ELP4: variants seen among roughly 807,000 people sequenced by gnomAD.
The protein encoded by ELP4 is elongator acetyltransferase complex subunit 4, also known as elongator complex protein 4.
Under a neutral mutation model 48.9 loss-of-function variants are expected in ELP4, and 51 were observed. The ratio of observed to expected loss-of-function variants is 1.04; its 90% confidence interval spans 0.83 to 1.32. ELP4 has a LOEUF of 1.32. Ranked by LOEUF, ELP4 falls within the 40% of genes most tolerant of loss-of-function variation. The probability of loss-of-function intolerance (pLI) is 0.00; values close to 1 mark genes in which losing one functional copy is unlikely to be tolerated. For synonymous variants in ELP4, 210 were observed against 189.2 expected, an observed-to-expected ratio of 1.11 and a Z score of -0.90; for missense variants, 519 against 514.6, an observed-to-expected ratio of 1.01 and a Z score of -0.08.
chr11:31,740,790 C>T (rs968344874), intron 9 of ELP4, among the ~76,000 whole-genome samples: 5 of 152,058 alleles, frequency 3.3e-5, no homozygotes, highest in East Asian at 1.9e-4. Context: ...GGAACAGCTC[C>T]GGTCTACAGC....
chr11:31,531,863 G>T (rs1196534608), intron 2 of ELP4, among the ~76,000 whole-genome samples: 4 of 152,110 alleles, frequency 2.6e-5, no homozygotes, highest in African/African-American at 9.7e-5. Context: ...CCAATTGGGA[G>T]GCTGATAGTG....
chr11:31,569,737 G>A (rs1444464339), intron 3 of ELP4, among the ~76,000 whole-genome samples: 1 of 152,032 alleles, frequency 6.6e-6, no homozygotes, highest in Admixed American at 6.6e-5. Context: ...AAAAAAGGAA[G>A]ACATACAAAT....
chr11:31,755,787 C>A (rs568465467), intron 9 of ELP4, among the ~76,000 whole-genome samples: 2 of 150,630 alleles, frequency 1.3e-5, no homozygotes, highest in African/African-American at 4.9e-5. Flanking sequence ...TAAAATAATA[C>A]CTGTAGCTTA....
At chr11:31,759,015 A>G (rs1183860087) in intron 9 of ELP4, among the ~76,000 whole-genome samples, 1 of 152,158 alleles carries the variant, frequency 6.6e-6, no homozygotes, top group Non-Finnish European at 1.5e-5. Context: ...TCTTATTGGT[A>G]GATATACGTT....
chr11:31,547,780 T>C (rs1956761590), intron 3 of ELP4, among the ~76,000 whole-genome samples: 1 of 152,162 alleles, frequency 6.6e-6, no homozygotes, highest in Non-Finnish European at 1.5e-5. Context: ...TCAAAAAGCT[T>C]ATCCACCACG....
chr11:31,736,649 A>T (rs1248774608), intron 9 of ELP4, among the ~76,000 whole-genome samples: 1 of 152,228 alleles, frequency 6.6e-6, no homozygotes, highest in Non-Finnish European at 1.5e-5. Context: ...AAACAACCTC[A>T]TCAAAAAGTG....
chr11:31,693,775 C>T (rs568205628), intron 9 of ELP4, among the ~76,000 whole-genome samples: 8 of 152,242 alleles, frequency 5.3e-5, no homozygotes, highest in Non-Finnish European at 1.2e-4. Flanking sequence ...TACAGTCCCA[C>T]CAACAGTGTA....
intron 3 of ELP4, among the ~76,000 whole-genome samples, chr11:31,562,482 G>A (rs143875281): frequency 6.6e-6 from 1 of 152,238 alleles, no homozygotes; most frequent in African/African-American, 2.4e-5. Flanking sequence ...TGAGAACACT[G>A]TCCTTATCCC....
In ELP4 at chr11:31,785,239, A is replaced by C. The variant is rs1948522433; in HGVS notation, c.*1715A>C. On this transcript the variant is annotated 3_prime_UTR_variant, in exon 10 of 10. Coordinates refer to ENST00000640961, the MANE Select transcript of ELP4 (RefSeq NM_019040.5). The stretch of plus-strand genomic sequence containing the variant: ...CATTATGAACATTCTGAATAAATTC[A>C]AATGAGTATTTTAGTCAGTTTATTA... 1 of 183,560 alleles carries C rather than the reference A, an allele frequency of 5.4e-6. No homozygotes were observed. Among genetic ancestry groups the C allele is most frequent in the Non-Finnish European group, 1.2e-5 (1 of 86,354 alleles). 11.4% of individuals were successfully genotyped at this position (183,560 alleles called of 1,614,324 possible). A position where few individuals can be genotyped will look rare whatever the true frequency, so the allele number is the denominator to read the frequency against.
intron 9 of ELP4, chr11:31,727,969 A>G (rs1478131769): frequency 1.3e-5 from 2 of 152,172 alleles, no homozygotes; most frequent in African/African-American, 4.8e-5. Context: ...ATGTTTTTCA[A>G]TTTAAAGAGG....
At chr11:31,701,191 C>T (rs1946515538) in intron 9 of ELP4, among the ~76,000 whole-genome samples, 1 of 152,100 alleles carries the variant, frequency 6.6e-6, no homozygotes, top group Non-Finnish European at 1.5e-5. Context: ...GGACTTCATG[C>T]TCAAGCAGTT....
At chr11:31,731,456 A>T (rs1387564388) in intron 9 of ELP4, among the ~76,000 whole-genome samples, 1 of 152,174 alleles carries the variant, frequency 6.6e-6, no homozygotes, top group Non-Finnish European at 1.5e-5. Flanking sequence ...ATCAAGCTGA[A>T]GAAAGAACCA....
At chr11:31,654,775 T>G (rs986009830) in intron 9 of ELP4, 2 of 151,858 alleles carry the variant, frequency 1.3e-5, no homozygotes, top group Non-Finnish European at 2.9e-5. Context: ...GCCTTTCTAG[T>G]TTTTAAATGA....
chr11:31,510,519 G>A (rs1375170134), intron 1 of ELP4: 2 of 405,996 alleles, frequency 4.9e-6, no homozygotes, highest in African/African-American at 2.0e-5. Context: ...TTGGCTTTAA[G>A]AGAGCGAATG....
chr11:31,567,652 A>C (rs2996464), intron 3 of ELP4, among the ~76,000 whole-genome samples: 1 of 152,086 alleles, frequency 6.6e-6, no homozygotes, highest in African/African-American at 2.4e-5. Context: ...ATATAAAGGC[A>C]TACCTTGGAG....
At chr11:31,676,510 C>G (rs1460269984) in intron 9 of ELP4, among the ~76,000 whole-genome samples, 1 of 152,190 alleles carries the variant, frequency 6.6e-6, no homozygotes, top group Non-Finnish European at 1.5e-5. Context: ...AGAACAGTAT[C>G]TTACATACGA....
chr11:31,727,839 T>A (rs1294887506), intron 9 of ELP4: 1 of 152,214 alleles, frequency 6.6e-6, no homozygotes, highest in Non-Finnish European at 1.5e-5. Flanking sequence ...TCAGCTTCTT[T>A]GTAGCACAAA....
chr11:31,696,896 G>A (rs1204640238), intron 9 of ELP4, among the ~76,000 whole-genome samples: 4 of 152,074 alleles, frequency 2.6e-5, no homozygotes, highest in Non-Finnish European at 5.9e-5. Context: ...ACCCATCAGT[G>A]TGCCATATTC....
At chr11:31,749,347 C>T (rs940264917) in intron 9 of ELP4, among the ~76,000 whole-genome samples, 3 of 152,280 alleles carry the variant, frequency 2.0e-5, no homozygotes, top group African/African-American at 7.2e-5. Flanking sequence ...AAGTCCCTTT[C>T]AACAGGTAAC....
Sources: gnomAD v4.1 joint callset for allele counts (sites outside exome capture counted in the v4.1 genomes callset) on GRCh38, gnomAD v4.1.1 for gene constraint, MANE v1.5 for transcripts, NCBI Gene and HGNC (gene_info 2026-07-23, HGNC 2026-07-21) for gene names.